ADAMTS14: variants seen among roughly 807,000 people sequenced by gnomAD.
ADAMTS14 encodes the protein A disintegrin and metalloproteinase with thrombospondin motifs 14.
A neutral mutation model predicts 128.6 loss-of-function variants in ADAMTS14; 100 were observed. The ratio of observed to expected loss-of-function variants is 0.78; its 90% CI spans 0.66 to 0.92. ADAMTS14 has a LOEUF of 0.92. Ranked by LOEUF, ADAMTS14 falls within the 40% of genes least tolerant of loss-of-function variation. The pLI is 0.00. For missense variants in ADAMTS14, 1,562 were observed against 1,658.6 expected, an observed-to-expected ratio of 0.94 and a Z score of 1.01; for synonymous variants, 665 against 653.8, an observed-to-expected ratio of 1.02 and a Z score of -0.26.
chr10:70,741,261 A>G, intron 12 of ADAMTS14, 99 bp downstream of exon 12: 1 of 1,405,724 alleles, frequency 7.1e-7, no homozygotes, highest in Non-Finnish European at 9.6e-7. Context: ...ACACCAGTGA[A>G]GGTGGAGGGA....
chr10:70,678,185 C>T (rs1274923575), intron 2 of ADAMTS14, among the ~76,000 whole-genome samples: 2 of 152,224 alleles, frequency 1.3e-5, no homozygotes, highest in Admixed American at 1.3e-4. Flanking sequence ...ATACAGATAG[C>T]TTCCATTAGT....
At chr10:70,716,105 G>C (rs1841030883) in intron 4 of ADAMTS14, among the ~76,000 whole-genome samples, 1 of 152,248 alleles carries the variant, frequency 6.6e-6, no homozygotes. Context: ...CCGAGGGCCT[G>C]CCTTGGTGAC....
rs114418313 is a variant in ADAMTS14 at position 70,749,653 on chromosome 10, G to T, written c.2264-169G>T. Among the ~76,000 whole-genome samples, 820 of 149,656 alleles carry T rather than the reference G, an allele frequency of 5.5e-3. 11 individuals are homozygous for T. The highest frequency in any genetic ancestry group is 0.019 in the African/African-American group (776 of 41,238). ...TGTGTGTGTGCGCGCACGTGGGTTTGACAGGGAGCGTGTTGACCTGTCTGA... is the reference window on the plus strand; with the variant it reads ...TGTGTGTGTGCGCGCACGTGGGTTTTACAGGGAGCGTGTTGACCTGTCTGA... On this transcript the variant is annotated intron_variant, in intron 15 of 21. Transcript: ENST00000373207.
chr10:70,734,453 C>G (rs1195252937), intron 8 of ADAMTS14, among the ~76,000 whole-genome samples: 1 of 152,120 alleles, frequency 6.6e-6, no homozygotes, highest in Non-Finnish European at 1.5e-5. Context: ...CCCCAGCCCC[C>G]AGAGCTGCCC....
intron 2 of ADAMTS14, among the ~76,000 whole-genome samples, chr10:70,690,975 G>A: frequency 6.9e-6 from 1 of 144,778 alleles, no homozygotes; most frequent in East Asian, 1.9e-4. Context: ...GGTGACAGAG[G>A]GGGAAGCCTC....
intron 7 of ADAMTS14, among the ~76,000 whole-genome samples, chr10:70,732,723 C>G (rs1358615111): frequency 6.6e-6 from 1 of 152,222 alleles, no homozygotes; most frequent in Admixed American, 6.5e-5. Flanking sequence ...TTCCCTCCAT[C>G]ACGTCCACAT....
At chr10:70,673,463 G>A (rs941544205) in intron 1 of ADAMTS14, among the ~76,000 whole-genome samples, 1 of 152,094 alleles carries the variant, frequency 6.6e-6, no homozygotes, top group African/African-American at 2.4e-5. Flanking sequence ...CTCCACTCCC[G>A]CCCTGCAGCA....
rs3740438 is a variant in ADAMTS14 at position 70,761,895 on chromosome 10, C to T, written c.*1042C>T. 0.22 allele frequency: 33,919 copies of T among 152,482 alleles called. 4,291 individuals are homozygous for T. Among genetic ancestry groups the T allele is most frequent in the Middle Eastern group, 0.3 (88 of 298 alleles). The allele number at this position is 152,482 out of a possible 1,614,324, so 9.4% of individuals were successfully genotyped here. ...GACCCCAGGACTGAGGACCAGAGTC[C>T]ACTCATAGCCTGGCCCTGGAGATGA... On this transcript the variant is annotated 3_prime_UTR_variant, in exon 22 of 22. Transcript: ENST00000373207.
intron 16 of ADAMTS14, among the ~76,000 whole-genome samples, chr10:70,750,297 G>C (rs923906658): frequency 6.6e-6 from 1 of 152,176 alleles, no homozygotes; most frequent in Non-Finnish European, 1.5e-5. Context: ...GGTCATCCTG[G>C]CATAATCCCA....
At chr10:70,707,610 C>T (rs529353995) in intron 3 of ADAMTS14, among the ~76,000 whole-genome samples, 7 of 152,280 alleles carry the variant, frequency 4.6e-5, no homozygotes, top group East Asian at 1.9e-4. Flanking sequence ...TTCTACGTGG[C>T]GGCATAGATG....
intron 2 of ADAMTS14, among the ~76,000 whole-genome samples, chr10:70,686,209 G>A (rs1839945389): frequency 1.3e-5 from 2 of 151,818 alleles, no homozygotes; most frequent in African/African-American, 4.8e-5. Flanking sequence ...CGTTTGTTAG[G>A]ACCAAGTTGG....
chr10:70,754,574 T>C (rs114034327), intron 19 of ADAMTS14, among the ~76,000 whole-genome samples: 2,040 of 152,082 alleles, frequency 0.013, 47 homozygotes, highest in African/African-American at 0.047. Context: ...AGAGACCAAG[T>C]CAGGAACAAT....
chr10:70,744,734 C>T (rs1433071436), intron 14 of ADAMTS14, among the ~76,000 whole-genome samples: 1 of 152,194 alleles, frequency 6.6e-6, no homozygotes, highest in Non-Finnish European at 1.5e-5. Flanking sequence ...GGAGATGTTA[C>T]ACTTTGTCTC....
At chr10:70,713,795 C>T (rs1210443238) in intron 4 of ADAMTS14, among the ~76,000 whole-genome samples, 11 of 152,122 alleles carry the variant, frequency 7.2e-5, no homozygotes, top group Non-Finnish European at 1.0e-4. Flanking sequence ...GCAAAGCATG[C>T]GGACAGGAAG....
chr10:70,737,172 ATC>A (rs761244791), intron 10 of ADAMTS14, among the ~76,000 whole-genome samples: 9 of 152,178 alleles, frequency 5.9e-5, no homozygotes, highest in South Asian at 4.1e-4. Flanking sequence ...ATGCAGAGAA[ATC>A]TCTGTGTGTC....
chr10:70,677,890 A>T (rs960034615), intron 2 of ADAMTS14, among the ~76,000 whole-genome samples: 4 of 152,250 alleles, frequency 2.6e-5, no homozygotes, highest in African/African-American at 7.2e-5. Context: ...AGCATTTCTG[A>T]TAAGATTGAA....
intron 4 of ADAMTS14, among the ~76,000 whole-genome samples, chr10:70,726,918 A>T (rs1231726425): frequency 6.6e-6 from 1 of 152,136 alleles, no homozygotes; most frequent in Non-Finnish European, 1.5e-5. Context: ...TGCTCGTTGG[A>T]CTATGGTCAT....
At chr10:70,707,575 AC>A (rs2132610553) in intron 3 of ADAMTS14, among the ~76,000 whole-genome samples, 1 of 152,304 alleles carries the variant, frequency 6.6e-6, no homozygotes, top group South Asian at 2.1e-4. Flanking sequence ...AGCATAGATG[AC>A]TGACAGCGCT....
rs117522686 is a variant in ADAMTS14, at chr10:70,676,918, C to T, written c.522+1923C>T. 1.8e-3 allele frequency among the ~76,000 whole-genome samples: 278 copies of T among 152,352 alleles called. 10 individuals are homozygous for T. In the South Asian group the frequency reaches 0.027, roughly 15 times the overall value. ...AGTCATCACACAGGTAGGCTGTAAGCTCCTCAGTGACAGGGCTAGGGCTCC... is the reference window on the plus strand; with the variant it reads ...AGTCATCACACAGGTAGGCTGTAAGTTCCTCAGTGACAGGGCTAGGGCTCC... On this transcript the variant is annotated intron_variant, in intron 2 of 21. Coordinates refer to ENST00000373207, the MANE Select transcript of ADAMTS14 (RefSeq NM_080722.4).
Sources: allele counts gnomAD v4.1 joint callset (sites outside exome capture counted in the v4.1 genomes callset), GRCh38; gene constraint gnomAD v4.1.1; transcripts MANE v1.5; gene names NCBI Gene and HGNC (gene_info 2026-07-23, HGNC 2026-07-21).